The following PRKN variants were observed in gnomAD, a reference collection of about 807,000 sequenced individuals.
PRKN encodes the protein E3 ubiquitin-protein ligase parkin.
Under a neutral mutation model 59.5 loss-of-function variants are expected in PRKN, and 56 were observed. The observed-to-expected ratio is 0.94, with a 90% CI of 0.76 to 1.18. The LOEUF (loss-of-function observed/expected upper bound fraction) is 1.18, where lower values mean the gene tolerates loss of function less well. Among genes scored for constraint, PRKN ranks in the 50% most tolerant of loss-of-function variants. The pLI is 0.00. For synonymous variants in PRKN, 250 were observed against 222.1 expected (o/e 1.13, Z -1.12); for missense variants, 657 against 596.4 (o/e 1.10, Z -1.06).
intron 5 of PRKN, among the ~76,000 whole-genome samples, chr6:162,019,733 A>AG (rs1190297122): frequency 6.6e-6 from 1 of 152,136 alleles, no homozygotes; most frequent in Non-Finnish European, 1.5e-5. Flanking sequence ...TGTATTAAAA[A>AG]TCATGGCTGG....
chr6:162,256,987 A>C (rs1205327291), intron 3 of PRKN, among the ~76,000 whole-genome samples: 1 of 152,194 alleles, frequency 6.6e-6, no homozygotes, highest in Non-Finnish European at 1.5e-5. Flanking sequence ...CCAACCACAA[A>C]AAGCAAAACA....
chr6:162,217,164 T>C (rs371680377), intron 3 of PRKN, among the ~76,000 whole-genome samples: 15 of 152,202 alleles, frequency 9.9e-5, no homozygotes, highest in East Asian at 3.9e-4. Context: ...AAAGCACCTC[T>C]TGACACATTC....
rs1727510993 is a variant in PRKN, at chr6:161,414,325, G to A, written c.1084-27448C>T. Among the ~76,000 whole-genome samples, 2 of 152,122 alleles carry A rather than the reference G, an allele frequency of 1.3e-5. No individual in the cohort carries two copies. Among genetic ancestry groups the A allele is most frequent in the Non-Finnish European group, 2.9e-5 (2 of 68,032 alleles). ...GCAGCGGCCAGTCTCTGTGTTCTCG[G>A]GCGCTCTGTGTCAGGTCCTGGTATT... is the stretch of plus-strand genomic sequence containing the variant. On this transcript the variant is annotated intron_variant, in intron 9 of 11. Coordinates refer to ENST00000366898, the MANE Select transcript of PRKN (RefSeq NM_004562.3). This position sits in a 1 kb window ranked among gnomAD's most constrained non-coding sequence, Gnocchi z 5.3.
chr6:162,333,666 C>A (rs1038076212), intron 2 of PRKN, among the ~76,000 whole-genome samples: 3 of 152,124 alleles, frequency 2.0e-5, no homozygotes, highest in Non-Finnish European at 4.4e-5. Context: ...CTCCCTATAG[C>A]CTGAGACGCA....
At chr6:162,672,393 G>A (rs1268894126) in intron 1 of PRKN, among the ~76,000 whole-genome samples, 2 of 151,874 alleles carry the variant, frequency 1.3e-5, no homozygotes, top group South Asian at 2.1e-4. Context: ...ATTTTTATTC[G>A]GTAACATTAA....
chr6:161,924,425 A>G (rs1444085032), intron 6 of PRKN, among the ~76,000 whole-genome samples: 1 of 152,200 alleles, frequency 6.6e-6, no homozygotes, highest in Non-Finnish European at 1.5e-5. Context: ...TCTTTTCCAC[A>G]GTGACTAAGT....
intron 1 of PRKN, among the ~76,000 whole-genome samples, chr6:162,487,207 G>A (rs1484772985): frequency 2.6e-5 from 4 of 152,194 alleles, no homozygotes; most frequent in Admixed American, 2.0e-4. Flanking sequence ...AGTGTCTAAA[G>A]GGTTATTCCT....
At chr6:162,242,428 C>T (rs994536622) in intron 3 of PRKN, among the ~76,000 whole-genome samples, 26 of 152,034 alleles carry the variant, frequency 1.7e-4, no homozygotes, top group African/African-American at 5.3e-4. Flanking sequence ...GTAGTCAGAG[C>T]GACATATGCT....
chr6:162,046,447 A>G (rs551181865), intron 5 of PRKN, among the ~76,000 whole-genome samples: 6 of 152,244 alleles, frequency 3.9e-5, no homozygotes, highest in South Asian at 4.1e-4. Flanking sequence ...ACAGGGAAGC[A>G]AGAAGTATGT....
chr6:162,135,886 A>G (rs1781543942), intron 4 of PRKN, among the ~76,000 whole-genome samples: 1 of 152,074 alleles, frequency 6.6e-6, no homozygotes, highest in Non-Finnish European at 1.5e-5. Context: ...TCATATTAGG[A>G]TGAACTAAGT....
chr6:161,441,158 G>A (rs928350828), intron 9 of PRKN, among the ~76,000 whole-genome samples: 11 of 152,180 alleles, frequency 7.2e-5, no homozygotes, highest in South Asian at 4.1e-4. Flanking sequence ...TGTGGCCACC[G>A]CAGGAGGAGC....
chr6:162,191,430 T>G (rs1381735043), intron 4 of PRKN, among the ~76,000 whole-genome samples: 1 of 152,092 alleles, frequency 6.6e-6, no homozygotes, highest in Non-Finnish European at 1.5e-5. Flanking sequence ...CTTTTTCCAT[T>G]TTGTTTATTT....
At chr6:162,263,556 T>C (rs1326757011) in intron 2 of PRKN, among the ~76,000 whole-genome samples, 1 of 152,130 alleles carries the variant, frequency 6.6e-6, no homozygotes, top group Non-Finnish European at 1.5e-5. Flanking sequence ...TATTGACACG[T>C]AGGAACAGAA....
At chr6:162,296,974 G>A (rs77789967) in intron 2 of PRKN, among the ~76,000 whole-genome samples, 4,233 of 152,014 alleles carry the variant, frequency 0.028, 192 homozygotes, top group African/African-American at 0.092. Flanking sequence ...TGCAAATGAC[G>A]TGTCCAATCA....
chr6:161,586,282 C>A (rs1166678480), intron 7 of PRKN, among the ~76,000 whole-genome samples: 1 of 152,176 alleles, frequency 6.6e-6, no homozygotes, highest in Non-Finnish European at 1.5e-5. Context: ...CCTCCCACAG[C>A]ACTGGGATTA....
At chr6:161,597,869 C>T (rs985341080) in intron 7 of PRKN, among the ~76,000 whole-genome samples, 4 of 151,746 alleles carry the variant, frequency 2.6e-5, no homozygotes, top group Admixed American at 6.6e-5. Flanking sequence ...TATTCTAAAC[C>T]CACATACACA....
chr6:162,711,404 G>A (rs924886033), intron 1 of PRKN, among the ~76,000 whole-genome samples: 1 of 133,566 alleles, frequency 7.5e-6, no homozygotes, highest in South Asian at 2.4e-4. Context: ...TCAAGCTGTT[G>A]GTCAAAACTG....
chr6:162,203,358 T>C lies in PRKN; in HGVS notation c.413-2106A>G, dbSNP rs116989842. On this transcript the variant is annotated intron_variant, in intron 3 of 11. Coordinates refer to ENST00000366898, the MANE Select transcript of PRKN (RefSeq NM_004562.3). ...ACTGCTTTCCAGACCCAGCCACAAG[T>C]TGGGGATTAACAGCCAGTCTAAGGA... is the stretch of plus-strand genomic sequence containing the variant. Among the ~76,000 whole-genome samples the C allele has an allele frequency of 9.7e-4, 147 of 151,926 alleles. 2 individuals are homozygous for C. The East Asian group carries it at 0.025, about 26-fold the overall frequency.
chr6:162,101,110 T>G (rs766792521), intron 4 of PRKN, among the ~76,000 whole-genome samples: 1 of 152,124 alleles, frequency 6.6e-6, no homozygotes, highest in Non-Finnish European at 1.5e-5. Flanking sequence ...TTTTCCCTTT[T>G]GTTGCTTGTG....
Sources: allele counts gnomAD v4.1 joint callset (sites outside exome capture counted in the v4.1 genomes callset), GRCh38; gene constraint gnomAD v4.1.1; non-coding constraint Gnocchi (gnomAD v3.1); transcripts MANE v1.5; gene names NCBI Gene and HGNC (gene_info 2026-07-23, HGNC 2026-07-21).